The following MTUS1 variants were observed in gnomAD, a reference collection of about 807,000 sequenced individuals.
MTUS1 encodes the protein microtubule-associated tumor suppressor 1.
MTUS1 carries 109 observed loss-of-function variants against 120.8 expected under a neutral mutation model. The observed-to-expected ratio is 0.90, with a 90% CI of 0.77 to 1.06. MTUS1 has a LOEUF of 1.06. Among genes scored for constraint, MTUS1 ranks in the 50% least tolerant of loss-of-function variants. The probability of loss-of-function intolerance (pLI) is 0.00; values close to 1 mark genes in which losing one functional copy is unlikely to be tolerated. For missense variants in MTUS1, 2,210 were observed against 1,486.3 expected (o/e 1.49, Z -8.01); for synonymous variants, 737 against 550.5 (o/e 1.34, Z -4.74).
intron 6 of MTUS1, among the ~76,000 whole-genome samples, chr8:17,710,034 A>T (rs550134969): frequency 6.6e-5 from 10 of 152,018 alleles, no homozygotes; most frequent in African/African-American, 2.4e-4. Flanking sequence ...TAATTTAAAA[A>T]TATTTCATTG....
chr8:17,745,014 C>T (rs1009108681), intron 2 of MTUS1, among the ~76,000 whole-genome samples: 3 of 152,166 alleles, frequency 2.0e-5, no homozygotes, highest in African/African-American at 7.2e-5. Context: ...AACACCTAGG[C>T]ACATGTTCTG....
chr8:17,731,341 T>A (rs1225130967), intron 3 of MTUS1, among the ~76,000 whole-genome samples: 1 of 152,188 alleles, frequency 6.6e-6, no homozygotes, highest in Non-Finnish European at 1.5e-5. Flanking sequence ...TTCTGTTTTC[T>A]CATATGTGAG....
chr8:17,770,223 T>C (rs2049924317), intron 1 of MTUS1, among the ~76,000 whole-genome samples: 1 of 152,208 alleles, frequency 6.6e-6, no homozygotes, highest in Non-Finnish European at 1.5e-5. Context: ...CTCACTTTTC[T>C]GCATAATCAT....
At chr8:17,791,457 T>C (rs1479719391) in intron 1 of MTUS1, among the ~76,000 whole-genome samples, 2 of 152,230 alleles carry the variant, frequency 1.3e-5, no homozygotes. Context: ...CTTAGTACTG[T>C]AATATCCACA....
At chr8:17,672,198 A>T (rs1427889750) in intron 8 of MTUS1, among the ~76,000 whole-genome samples, 1 of 152,218 alleles carries the variant, frequency 6.6e-6, no homozygotes, top group Non-Finnish European at 1.5e-5. Flanking sequence ...ATGCCCTCAC[A>T]AAACAGCCAG....
intron 4 of MTUS1, among the ~76,000 whole-genome samples, chr8:17,719,470 G>A (rs1005178823): frequency 5.9e-5 from 9 of 152,162 alleles, no homozygotes; most frequent in South Asian, 2.1e-4. Flanking sequence ...CTAGAAAAAC[G>A]TGAACAGAGA....
At chr8:17,692,567 TAAAC>T (rs1021216788) in intron 6 of MTUS1, among the ~76,000 whole-genome samples, 5 of 152,182 alleles carry the variant, frequency 3.3e-5, no homozygotes, top group Non-Finnish European at 7.3e-5. Context: ...TCATCCTAAT[TAAAC>T]AAACGCATTC....
intron 1 of MTUS1, among the ~76,000 whole-genome samples, chr8:17,769,575 C>G (rs113662442): frequency 0.026 from 3,864 of 149,202 alleles, 105 homozygotes; most frequent in African/African-American, 0.053. Flanking sequence ...TCTCGATCTC[C>G]TGACCTCGTG....
intron 7 of MTUS1, chr8:17,681,461 T>C (rs150065092): frequency 6.5e-6 from 1 of 153,376 alleles, no homozygotes. Context: ...TCTTGCTAGC[T>C]GTCTGATAGC....
At chr8:17,715,990 A>G in intron 4 of MTUS1, 89 bp from the exon 5 acceptor site, 1 of 1,223,608 alleles carries the variant, frequency 8.2e-7, no homozygotes, top group Non-Finnish European at 1.2e-6. Flanking sequence ...GAACCAACAA[A>G]TGCTCAATAA....
intron 1 of MTUS1, chr8:17,781,073 A>G (rs895184191): frequency 6.6e-6 from 1 of 152,156 alleles, no homozygotes; most frequent in Non-Finnish European, 1.5e-5. Flanking sequence ...AGATCTCCAT[A>G]AGTACCCTGA....
At chr8:17,715,664 T>C (rs569473141) in intron 5 of MTUS1, 103 bp downstream of exon 5, 112 of 1,165,958 alleles carry the variant, frequency 9.6e-5, no homozygotes, top group Middle Eastern at 4.1e-4. Flanking sequence ...TTTGTAATCA[T>C]TGTTGACTAT....
intron 13 of MTUS1, 141 bp from the exon 14 acceptor site, chr8:17,647,220 A>G: frequency 1.6e-6 from 1 of 622,138 alleles, no homozygotes; most frequent in South Asian, 2.2e-5. Context: ...TTATACACTA[A>G]CAAACATACT....
At chr8:17,728,709 C>T (rs1586001150) in intron 3 of MTUS1, among the ~76,000 whole-genome samples, 1 of 150,578 alleles carries the variant, frequency 6.6e-6, no homozygotes, top group African/African-American at 2.5e-5. Context: ...TTGGGTGAGA[C>T]ATGGCATTGA....
chr8:17,690,304 C>T (rs1283055283), intron 6 of MTUS1, among the ~76,000 whole-genome samples: 7 of 152,104 alleles, frequency 4.6e-5, no homozygotes, highest in African/African-American at 1.4e-4. Flanking sequence ...CACTAATCAT[C>T]AGAGAAATGC....
chr8:17,686,278 T>A (rs566834711), intron 6 of MTUS1, among the ~76,000 whole-genome samples: 43 of 152,326 alleles, frequency 2.8e-4, no homozygotes, highest in African/African-American at 1.0e-3. Flanking sequence ...GGAAAGCGGA[T>A]TAGGTGGTGA....
chr8:17,644,494 T>G lies in MTUS1; in HGVS notation c.*1432A>C, dbSNP rs1805424285. On this transcript the variant is annotated 3_prime_UTR_variant, in exon 15 of 15. Coordinates refer to ENST00000693296, the MANE Select transcript of MTUS1 (RefSeq NM_001363059.2). ...TCCACCTTTTCCAAAGTCTCAGGAT[T>G]AGGGGAGGTAATAAGTTTTGGAAAG... 1 of 152,582 alleles carries G rather than the reference T, an allele frequency of 6.6e-6. No individual in the cohort carries two copies. Among genetic ancestry groups the G allele is most frequent in the Non-Finnish European group, 1.5e-5 (1 of 68,042 alleles). The allele number at this position is 152,582 out of a possible 1,614,324, so 9.5% of individuals were successfully genotyped here.
chr8:17,744,124 T>A (rs2047547815), intron 2 of MTUS1, among the ~76,000 whole-genome samples: 1 of 152,200 alleles, frequency 6.6e-6, no homozygotes, highest in Non-Finnish European at 1.5e-5. Context: ...TGAAGTATTT[T>A]ACCCCAAAAT....
In MTUS1 at chr8:17,653,456, T is replaced by C. The variant is rs570318137; in HGVS notation, c.3257A>G (p.Asp1086Gly). ...CGATTCCTGCTTCTCAGAAAGTAAA[T>C]CTTCAAGCGATTTCTTTTCTATTTC... ...GHEIEKKSLE[D>G]LLSEKQESLE... The change falls in exon 11 of 15, where the codon GAT becomes GGT. Residue 1086 changes from aspartate to glycine, a missense_variant. Physicochemically the swap from Asp to Gly is moderately conservative, Grantham distance 94 (BLOSUM62 -1). Coordinates refer to ENST00000693296, the MANE Select transcript of MTUS1 (RefSeq NM_001363059.2). 3.9e-5 allele frequency: 63 copies of C among 1,612,508 alleles called. 1 individual carries two copies. In the South Asian group the frequency reaches 5.5e-4, roughly 14 times the overall value.
Sources: gnomAD v4.1 joint callset for allele counts (sites outside exome capture counted in the v4.1 genomes callset) on GRCh38, gnomAD v4.1.1 for gene constraint, MANE v1.5 for transcripts, NCBI Gene and HGNC (gene_info 2026-07-23, HGNC 2026-07-21) for gene names.